Variants in BICC1 observed in about 807,000 individuals in gnomAD.
BICC1 encodes the protein protein bicaudal C homolog 1.
BICC1 carries 43 observed loss-of-function variants against 111.0 expected under a neutral mutation model. The observed-to-expected ratio is 0.39, with a 90% CI of 0.30 to 0.50. The LOEUF (loss-of-function observed/expected upper bound fraction) is 0.50. Ranked by LOEUF, BICC1 falls within the 20% of genes least tolerant of loss-of-function variation. The probability of loss-of-function intolerance (pLI) is 0.88; values close to 1 mark genes in which losing one functional copy is unlikely to be tolerated. For synonymous variants in BICC1, 467 were observed against 434.4 expected (o/e 1.07, Z -0.93); for missense variants, 1,091 against 1,203.2 (o/e 0.91, Z 1.38).
intron 1 of BICC1, among the ~76,000 whole-genome samples, chr10:58,577,446 C>T (rs1340425627): frequency 6.6e-6 from 1 of 152,120 alleles, no homozygotes; most frequent in Non-Finnish European, 1.5e-5. Flanking sequence ...GGTACATTAG[C>T]CCCTGTAGCT....
chr10:58,806,078 G>A (rs999361579), intron 15 of BICC1, among the ~76,000 whole-genome samples: 5 of 152,140 alleles, frequency 3.3e-5, no homozygotes, highest in Non-Finnish European at 7.3e-5. Context: ...CACTTCAAAA[G>A]CAAAGACTAT....
intron 8 of BICC1, among the ~76,000 whole-genome samples, chr10:58,791,800 T>C (rs911662128): frequency 1.3e-5 from 2 of 152,274 alleles, no homozygotes; most frequent in African/African-American, 4.8e-5. Flanking sequence ...TTCTTTTTCT[T>C]TTTTTAGTTT....
chr10:58,644,085 A>AT (rs1452235036), intron 2 of BICC1, among the ~76,000 whole-genome samples: 2 of 152,078 alleles, frequency 1.3e-5, no homozygotes, highest in African/African-American at 4.8e-5. Flanking sequence ...TCCTCCATGA[A>AT]TTTCTCCCAG....
chr10:58,630,909 C>T (rs180911248), intron 2 of BICC1, among the ~76,000 whole-genome samples: 38 of 152,188 alleles, frequency 2.5e-4, no homozygotes, highest in Admixed American at 7.2e-4. Flanking sequence ...AGCAATACTA[C>T]GGTAAAATAT....
chr10:58,538,723 T>C lies in BICC1; in HGVS notation c.190+25390T>C, dbSNP rs147705691. Among the ~76,000 whole-genome samples the C allele has an allele frequency of 1.8e-3, 265 of 151,312 alleles. 2 individuals are homozygous for C. Among genetic ancestry groups the C allele is most frequent in the African/African-American group, 6.3e-3 (262 of 41,406 alleles). ...TTGCATCTGACAACATACACGGAACTCAAATCACTAAGAAAAAACAAATAA... is the reference window on the plus strand; with the variant it reads ...TTGCATCTGACAACATACACGGAACCCAAATCACTAAGAAAAAACAAATAA... On this transcript the variant is annotated intron_variant, in intron 1 of 20. Transcript: ENST00000373886.
At chr10:58,581,276 A>C (rs1351929468) in intron 1 of BICC1, among the ~76,000 whole-genome samples, 1 of 152,186 alleles carries the variant, frequency 6.6e-6, no homozygotes, top group Non-Finnish European at 1.5e-5. Flanking sequence ...TTGGTACTTA[A>C]AACAGAGCCA....
intron 1 of BICC1, among the ~76,000 whole-genome samples, chr10:58,606,466 G>A (rs1845217920): frequency 6.6e-6 from 1 of 151,754 alleles, no homozygotes; most frequent in Non-Finnish European, 1.5e-5. Context: ...AGGGCTAGAT[G>A]ACGAGTTAGT....
chr10:58,545,379 G>A (rs565884895), intron 1 of BICC1, among the ~76,000 whole-genome samples: 2 of 152,206 alleles, frequency 1.3e-5, no homozygotes, highest in South Asian at 2.1e-4. Flanking sequence ...AGAAATTAAC[G>A]TTGACTGTGA....
At chr10:58,792,481 C>G (rs1042068749) in intron 8 of BICC1, among the ~76,000 whole-genome samples, 3 of 152,194 alleles carry the variant, frequency 2.0e-5, no homozygotes, top group Admixed American at 2.0e-4. Flanking sequence ...AGGAGGAAAG[C>G]AAGGGAAGCT....
chr10:58,686,297 A>G (rs922458362), intron 2 of BICC1, among the ~76,000 whole-genome samples: 1 of 151,852 alleles, frequency 6.6e-6, no homozygotes, highest in African/African-American at 2.4e-5. Context: ...TGCCCTTAAC[A>G]TTTTTTCCTT....
intron 2 of BICC1, among the ~76,000 whole-genome samples, chr10:58,701,004 A>G (rs929254875): frequency 6.6e-6 from 1 of 152,146 alleles, no homozygotes; most frequent in Non-Finnish European, 1.5e-5. Flanking sequence ...AAGCCCTTTT[A>G]TATTATGATA....
intron 1 of BICC1, among the ~76,000 whole-genome samples, chr10:58,553,901 T>G (rs1486640075): frequency 1.3e-5 from 2 of 152,006 alleles, no homozygotes; most frequent in Non-Finnish European, 2.9e-5. Context: ...AGTTCACTCT[T>G]CATGTGTTAA....
At chr10:58,708,749 G>A (rs12776109) in intron 3 of BICC1, among the ~76,000 whole-genome samples, 44,041 of 152,140 alleles carry the variant, frequency 0.29, 7,153 homozygotes, top group African/African-American at 0.44. Flanking sequence ...TGGTTGACAA[G>A]GAAAGGGGAA....
intron 2 of BICC1, among the ~76,000 whole-genome samples, chr10:58,673,071 G>A (rs999058758): frequency 1.3e-5 from 2 of 152,140 alleles, no homozygotes; most frequent in Non-Finnish European, 2.9e-5. Context: ...GCTCTCCCTT[G>A]TGACATCATT....
intron 2 of BICC1, among the ~76,000 whole-genome samples, chr10:58,645,400 C>T (rs1317864606): frequency 2.6e-5 from 2 of 77,560 alleles, no homozygotes; most frequent in Non-Finnish European, 4.3e-5. Flanking sequence ...GAGCGAGACT[C>T]CATCTCAAAA....
chr10:58,584,911 A>G (rs762363274), intron 1 of BICC1, among the ~76,000 whole-genome samples: 1 of 152,248 alleles, frequency 6.6e-6, no homozygotes, highest in African/African-American at 2.4e-5. Flanking sequence ...GATTATAACC[A>G]ATATTAATGA....
chr10:58,765,400 GGACC>G (rs1842429824), intron 3 of BICC1, among the ~76,000 whole-genome samples: 1 of 152,110 alleles, frequency 6.6e-6, no homozygotes, highest in African/African-American at 2.4e-5. Flanking sequence ...GGCTTCCACA[GGACC>G]TATGTTGTTT....
At chr10:58,512,506 T>C (rs1842112497), upstream of BICC1, among the ~76,000 whole-genome samples, 3 of 152,064 alleles carry the variant, frequency 2.0e-5, no homozygotes, top group African/African-American at 7.2e-5. Context: ...TGTTTGTGTG[T>C]TTGGAGGATT....
intron 2 of BICC1, among the ~76,000 whole-genome samples, chr10:58,661,379 T>G (rs975595361): frequency 1.3e-5 from 2 of 152,050 alleles, no homozygotes; most frequent in Admixed American, 6.6e-5. Flanking sequence ...CCCCACCTCC[T>G]TTAGGAAAAC....
Sources: allele counts gnomAD v4.1 joint callset (sites outside exome capture counted in the v4.1 genomes callset), GRCh38; gene constraint gnomAD v4.1.1; transcripts MANE v1.5; gene names NCBI Gene and HGNC (gene_info 2026-07-23, HGNC 2026-07-21).